KCNB2: variants seen among roughly 807,000 people sequenced by gnomAD.
KCNB2 encodes the protein delayed rectifier potassium channel protein.
KCNB2 carries 15 observed loss-of-function variants against 61.5 expected under a neutral mutation model. The observed-to-expected ratio is 0.24, with a 90% CI of 0.16 to 0.38. KCNB2 has a LOEUF of 0.38. Among genes scored for constraint, KCNB2 ranks in the 10% least tolerant of loss-of-function variants. The pLI is 1.00. For missense variants in KCNB2, 828 were observed against 1,125.2 expected (o/e 0.74, Z 3.78); for synonymous variants, 457 against 446.0 (o/e 1.02, Z -0.31).
At chr8:72,844,361 GC>G (rs1353602150) in intron 2 of KCNB2, among the ~76,000 whole-genome samples, 1 of 152,162 alleles carries the variant, frequency 6.6e-6, no homozygotes, top group Non-Finnish European at 1.5e-5. Flanking sequence ...CTCTCTGGCT[GC>G]CCTTAACATT....
In KCNB2 at chr8:72,696,678, C is replaced by T. The variant is rs145821417; in HGVS notation, c.579+128365C>T. 6.8e-3 allele frequency among the ~76,000 whole-genome samples: 1,032 copies of T among 152,296 alleles called. 6 individuals carry two copies. The highest frequency in any genetic ancestry group is 0.011 in the Non-Finnish European group (717 of 68,036). On this transcript the variant is annotated intron_variant, in intron 2 of 2. Transcript: ENST00000523207. ...AAGGATCTTCAGAAACAGCCCCATT[C>T]TGATCTTGGATTCTGCTGTATTATC...
chr8:72,925,319 G>C (rs1332161613), intron 2 of KCNB2, among the ~76,000 whole-genome samples: 2 of 152,206 alleles, frequency 1.3e-5, no homozygotes, highest in African/African-American at 4.8e-5. Flanking sequence ...GGAAGTTGGA[G>C]TGGCAGAAAA....
At chr8:72,929,977 G>A (rs147928841) in intron 2 of KCNB2, among the ~76,000 whole-genome samples, 6,552 of 125,564 alleles carry the variant, frequency 0.052, 510 homozygotes, top group African/African-American at 0.19. Flanking sequence ...AGGCCCCAGT[G>A]TGTGATATCC....
intron 2 of KCNB2, among the ~76,000 whole-genome samples, chr8:72,759,939 T>C (rs142195497): frequency 1.3e-5 from 2 of 152,314 alleles, no homozygotes; most frequent in African/African-American, 2.4e-5. Flanking sequence ...CCAGTGTCAC[T>C]GGCAGAAGCA....
At chr8:72,766,472 T>A (rs1808461754) in intron 2 of KCNB2, among the ~76,000 whole-genome samples, 2 of 152,230 alleles carry the variant, frequency 1.3e-5, no homozygotes, top group Non-Finnish European at 2.9e-5. Flanking sequence ...TACTAGGTTG[T>A]TTGACACCAA....
intron 2 of KCNB2, among the ~76,000 whole-genome samples, chr8:72,739,297 C>T (rs1276685179): frequency 6.6e-6 from 1 of 151,506 alleles, no homozygotes; most frequent in Non-Finnish European, 1.5e-5. Context: ...TTATGTGCCA[C>T]GGTTTCACAT....
chr8:72,717,626 C>T (rs1355105725), intron 2 of KCNB2, among the ~76,000 whole-genome samples: 4 of 152,078 alleles, frequency 2.6e-5, no homozygotes, highest in South Asian at 2.1e-4. Context: ...AAAGCTGAAA[C>T]TGGATCCCTT....
chr8:72,646,237 C>T (rs1307142827), intron 2 of KCNB2, among the ~76,000 whole-genome samples: 1 of 151,544 alleles, frequency 6.6e-6, no homozygotes, highest in Non-Finnish European at 1.5e-5. Flanking sequence ...TTTATTAATG[C>T]TGTTTGAATT....
At chr8:72,580,489 T>A (rs1391604247) in intron 2 of KCNB2, among the ~76,000 whole-genome samples, 1 of 152,236 alleles carries the variant, frequency 6.6e-6, no homozygotes, top group African/African-American at 2.4e-5. Context: ...CTGAAGGCTT[T>A]GGTTTATCAC....
chr8:72,672,504 A>G (rs2128988290), intron 2 of KCNB2, among the ~76,000 whole-genome samples: 1 of 152,306 alleles, frequency 6.6e-6, no homozygotes, highest in South Asian at 2.1e-4. Context: ...TAGTGGCACC[A>G]TAAGCCTTTG....
In KCNB2 at chr8:72,576,685, C is replaced by T. The variant is rs561981439; in HGVS notation, c.579+8372C>T. Reference sequence around the variant, plus strand: ...ATGTGGGCACTAGAGGCAAGTTGCACTTACTGTATCTATCAGCAACATCCA... The same window carrying T: ...ATGTGGGCACTAGAGGCAAGTTGCATTTACTGTATCTATCAGCAACATCCA... On this transcript the variant is annotated intron_variant, in intron 2 of 2. Transcript: ENST00000523207. 2.0e-5 allele frequency among the ~76,000 whole-genome samples: 3 copies of T among 152,326 alleles called. No homozygotes were observed. In the South Asian group the frequency reaches 6.2e-4, roughly 32 times the overall value.
intron 2 of KCNB2, among the ~76,000 whole-genome samples, chr8:72,831,273 T>C (rs1809689787): frequency 6.6e-6 from 1 of 152,222 alleles, no homozygotes; most frequent in South Asian, 2.1e-4. Flanking sequence ...AATTATGTTA[T>C]TTAAGTAAAT....
intron 1 of KCNB2, among the ~76,000 whole-genome samples, chr8:72,539,073 ATG>A (rs35087756): frequency 5.9e-5 from 9 of 151,294 alleles, no homozygotes; most frequent in South Asian, 2.1e-4. Flanking sequence ...CTTTAGGGGC[ATG>A]TGTGTGTGTG....
At chr8:72,695,557 A>G (rs767548032) in intron 2 of KCNB2, among the ~76,000 whole-genome samples, 51 of 152,222 alleles carry the variant, frequency 3.4e-4, no homozygotes, top group Non-Finnish European at 5.9e-4. Flanking sequence ...ATTTAAAAAA[A>G]AGAGAGTCTT....
chr8:72,559,440 C>T (rs1015607796), intron 1 of KCNB2, among the ~76,000 whole-genome samples: 2 of 152,090 alleles, frequency 1.3e-5, no homozygotes, highest in South Asian at 2.1e-4. Context: ...CCACCGCACC[C>T]GGCCAGTGTT....
intron 2 of KCNB2, among the ~76,000 whole-genome samples, chr8:72,851,826 G>GAAAACAAAAAAAAAAAA (rs1810116233): frequency 2.3e-5 from 1 of 43,868 alleles, no homozygotes; most frequent in Admixed American, 4.2e-4. Context: ...GAAGCTGTAG[G>GAAAACAAAAAAAAAAAA]AAAAAAAAAA....
intron 2 of KCNB2, among the ~76,000 whole-genome samples, chr8:72,715,832 A>G (rs1807428387): frequency 6.6e-6 from 1 of 152,224 alleles, no homozygotes; most frequent in Admixed American, 6.5e-5. Flanking sequence ...TGAAGGAGAC[A>G]GAGACACAAA....
intron 2 of KCNB2, among the ~76,000 whole-genome samples, chr8:72,821,659 A>AAAAAAAAAAAAAAAAAAC (rs1554535735): frequency 1.7e-5 from 2 of 117,088 alleles, no homozygotes; most frequent in African/African-American, 3.2e-5. Context: ...AAAAAAAAAA[A>AAAAAAAAAAAAAAAAAAC]ACACACACAC....
At chr8:72,839,596 CTTCTTTTTT>C (rs1809842979) in intron 2 of KCNB2, among the ~76,000 whole-genome samples, 2 of 108,602 alleles carry the variant, frequency 1.8e-5, no homozygotes, top group Non-Finnish European at 3.6e-5. Context: ...CTTTGAAAGG[CTTCTTTTTT>C]TTTTTTTTTT....
Sources: allele counts gnomAD v4.1 joint callset (sites outside exome capture counted in the v4.1 genomes callset), GRCh38; gene constraint gnomAD v4.1.1; transcripts MANE v1.5; gene names NCBI Gene and HGNC (gene_info 2026-07-23, HGNC 2026-07-21).